KIF7: variants seen among roughly 807,000 people sequenced by gnomAD.
KIF7 encodes kinesin-like protein KIF7.
A neutral mutation model predicts 135.7 loss-of-function variants in KIF7; 104 were observed. The observed-to-expected ratio is 0.77, with a 90% confidence interval of 0.65 to 0.90. The LOEUF (loss-of-function observed/expected upper bound fraction) is 0.90. Ranked by LOEUF, KIF7 falls within the 40% of genes least tolerant of loss-of-function variation. The pLI is 0.00. For missense variants in KIF7, 2,005 were observed against 1,839.1 expected, an observed-to-expected ratio of 1.09 and a Z score of -1.65; for synonymous variants, 883 against 809.4, an observed-to-expected ratio of 1.09 and a Z score of -1.54.
At chr15:89,638,963 C>T (rs1320394721) in intron 11 of KIF7, among the ~76,000 whole-genome samples, 1 of 151,862 alleles carries the variant, frequency 6.6e-6, no homozygotes, top group African/African-American at 2.4e-5. Flanking sequence ...ATCAATGGAA[C>T]AGAACAGAGC....
At position 89,645,054 on chromosome 15, in the gene KIF7, A is replaced by T; in HGVS notation, c.2150T>A (p.Ile717Asn). ...GCCAATAAGCTCCTCCTTCATGCGG[A>T]TGTTGATAGCCAGCTCCCGGATCTT... The part of the protein sequence containing the change: ...QQKIRELAIN[I>N]RMKEELIGEL... The change falls in exon 10 of 19, where the codon ATC (isoleucine) becomes AAC (asparagine). Residue 717 changes from isoleucine (I) to asparagine (N), a missense_variant. Ile to Asn is a moderately radical substitution (Grantham distance 149, BLOSUM62 -3). Coordinates refer to ENST00000394412, the MANE Select transcript of KIF7 (RefSeq NM_198525.3). 1 of 1,607,100 alleles carries T rather than the reference A, an allele frequency of 6.2e-7. No homozygotes were observed. The highest frequency in any genetic ancestry group is 2.2e-5 in the East Asian group (1 of 44,856).
At chr15:89,623,201 G>C (rs1963454200), downstream of KIF7, among the ~76,000 whole-genome samples, 1 of 152,220 alleles carries the variant, frequency 6.6e-6, no homozygotes, top group African/African-American at 2.4e-5. Context: ...GCACATAGCA[G>C]GTGATCAGTA....
At chr15:89,625,104 A>G, downstream of KIF7, 1 of 1,613,930 alleles carries the variant, frequency 6.2e-7, no homozygotes, top group Non-Finnish European at 8.5e-7. Context: ...CTCTGGGAGA[A>G]GAGAGCTTCC....
In KIF7 at chr15:89,642,367, G is replaced by C; in HGVS notation, c.2230C>G (p.Arg744Gly). Residue 744 changes from arginine to glycine, a missense_variant, in exon 11 of 19, where the codon CGT becomes GGT. Physicochemically the swap from Arg to Gly is moderately radical, Grantham distance 125. Coordinates refer to ENST00000394412, the MANE Select transcript of KIF7 (RefSeq NM_198525.3). ...GCCTCCTGCTCCAGCTCCCGGATAC[G>C]CTGGCTGTGCTGGCGGTTCAGGGCC... is the stretch of plus-strand genomic sequence containing the variant. ...AQALNRQHSQ[R>G]IRELEQEAEQ... 6.2e-7 allele frequency: 1 copy of C among 1,607,700 alleles called. No homozygotes were observed. Among genetic ancestry groups the C allele is most frequent in the Non-Finnish European group, 8.5e-7 (1 of 1,177,952 alleles).
chr15:89,624,809 C>T (rs1380659515), downstream of KIF7: 12 of 1,614,068 alleles, frequency 7.4e-6, no homozygotes, highest in Non-Finnish European at 9.3e-6. Flanking sequence ...GAGAAGTCTT[C>T]TCTGTCTCAC....
chr15:89,618,066 CTTG>C (rs1963364092), exon 2 of KIF7: 9 of 1,336,718 alleles, frequency 6.7e-6, no homozygotes, highest in Admixed American at 1.7e-5. Context: ...TCTTTGTGAT[CTTG>C]TTAAGTGAGA....
At position 89,630,455 on chromosome 15, in the gene KIF7, CTCG is replaced by C; in HGVS notation, c.3147_3149del (p.Ile1049_Glu1050delinsMet). On this transcript the variant is annotated inframe_deletion, in exon 16 of 19. Coordinates refer to ENST00000394412, the MANE Select transcript of KIF7 (RefSeq NM_198525.3). ...TATACTCAATGGCAGCATCCAGGGC[CTCG>C]ATGGCCTCATCCAACTGGAACAGCG... 6.4e-7 allele frequency: 1 copy of C among 1,570,142 alleles called. No individual in the cohort carries two copies. Among genetic ancestry groups the C allele is most frequent in the Non-Finnish European group, 8.6e-7 (1 of 1,157,258 alleles).
At position 89,648,340 on chromosome 15, in the gene KIF7, G is replaced by C; in HGVS notation, c.1358C>G (p.Ala453Gly). The C allele has an allele frequency of 6.7e-7, 1 of 1,483,344 alleles. No individual in the cohort carries two copies. The highest frequency in any genetic ancestry group is 9.0e-7 in the Non-Finnish European group (1 of 1,116,448). 91.9% of individuals were successfully genotyped at this position (1,483,344 alleles called of 1,614,324 possible). Residue 453 changes from alanine to glycine, a missense_variant, in exon 5 of 19, where the codon GCC becomes GGC. By Grantham distance (60) the Ala-to-Gly change is moderately conservative. Transcript: ENST00000394412. ...WLCAVEGERSALSSASGPDSG... is the reference protein window; with the variant it reads ...WLCAVEGERSGLSSASGPDSG... ...ATCGGGCCCGGAGGCGGAGCTCAGG[G>C]CGCTGCGCTCGCCCTCGACGGCGCA... is the stretch of plus-strand genomic sequence containing the variant.
chr15:89,621,982 CTTTTTTTTT>C (rs34123859), intron 1 of KIF7, among the ~76,000 whole-genome samples: 3 of 87,746 alleles, frequency 3.4e-5, no homozygotes, highest in Middle Eastern at 9.1e-3. Flanking sequence ...CAAACTGACT[CTTTTTTTTT>C]TTTTTTTTTT....
rs534733003 is a variant in KIF7, at chr15:89,635,983, G to T, written c.2395-2100C>A. Among the ~76,000 whole-genome samples the T allele has an allele frequency of 7.0e-3, 1,066 of 152,102 alleles. 5 individuals are homozygous for T. Among genetic ancestry groups the T allele is most frequent in the African/African-American group, 0.025 (1,022 of 41,506 alleles). On this transcript the variant is annotated intron_variant, in intron 11 of 18. Transcript: ENST00000394412. The stretch of plus-strand genomic sequence containing the variant: ...CATCAGACTAACAGCGGATCTCTCG[G>T]CAGAAACTCTACAAGCCAGAAGAGA...
At chr15:89,624,006 G>A (rs769202857), downstream of KIF7, 14 of 1,613,470 alleles carry the variant, frequency 8.7e-6, no homozygotes, top group Admixed American at 5.0e-5. Context: ...CAACTTCATC[G>A]ACTGCCCAGC....
At position 89,633,217 on chromosome 15, in the gene KIF7, G is replaced by C. The variant is rs372660203; in HGVS notation, c.2642C>G (p.Thr881Arg). The C allele has an allele frequency of 1.9e-6, 3 of 1,595,690 alleles. No homozygotes were observed. In the Admixed American group the frequency reaches 5.2e-5, roughly 28 times the overall value. The change falls in exon 13 of 19, where the codon ACG (threonine) becomes AGG (arginine). Residue 881 changes from threonine (T) to arginine (R), a missense_variant. By Grantham distance (71) the Thr-to-Arg change is moderately conservative. Coordinates refer to ENST00000394412, the MANE Select transcript of KIF7 (RefSeq NM_198525.3). ...CCTCTGGAATGCCGCGATCTCTTCCGTCTTAATCTTCAGGATCTTCTGCTG... is the reference window on the plus strand; with the variant it reads ...CCTCTGGAATGCCGCGATCTCTTCCCTCTTAATCTTCAGGATCTTCTGCTG... ...EQQQKILKIK[T>R]EEIAAFQRKR...
At position 89,631,656 on chromosome 15, in the gene KIF7, CCTT is replaced by C. The variant is rs1232269093; in HGVS notation, c.2947_2949del (p.Lys983del). 6.4e-7 allele frequency: 1 copy of C among 1,561,912 alleles called. No homozygotes were observed. The highest frequency in any genetic ancestry group is 8.7e-7 in the Non-Finnish European group (1 of 1,151,934). On this transcript the variant is annotated inframe_deletion, in exon 15 of 19. Transcript: ENST00000394412. ...AGCTGCCCGCTCTTCTCGGACAGCT[CCTT>C]CTCCAGGTGCTCCAGCCGGCTGGAC...
chr15:89,662,519 AG>A, the KIF7 span, among the ~76,000 whole-genome samples: 2 of 152,186 alleles, frequency 1.3e-5, no homozygotes, highest in Non-Finnish European at 2.9e-5. Flanking sequence ...GGGAGGGAAA[AG>A]GGGTAAATAA....
In KIF7 at chr15:89,632,860, T is replaced by C. The variant is rs1963710702; in HGVS notation, c.2855A>G (p.Glu952Gly). Reference protein sequence around the residue: ...ILAKKEALMQEKTGLESKRLR... With the variant: ...ILAKKEALMQGKTGLESKRLR... The stretch of plus-strand genomic sequence containing the variant: ...GCGCTTGCTCTCCAGCCCCGTCTTC[T>C]CCTGCATCAGGGCCTCCTTCTTGGC... The change falls in exon 14 of 19, where the codon GAG becomes GGG. Residue 952 changes from glutamate to glycine, a missense_variant. Physicochemically the swap from Glu to Gly is moderately conservative, Grantham distance 98. Coordinates refer to ENST00000394412, the MANE Select transcript of KIF7 (RefSeq NM_198525.3). The C allele has an allele frequency of 1.2e-6, 2 of 1,609,668 alleles. No individual in the cohort carries two copies. Among genetic ancestry groups the C allele is most frequent in the South Asian group, 1.1e-5 (1 of 90,902 alleles).
intron 1 of KIF7, among the ~76,000 whole-genome samples, chr15:89,620,867 C>T (rs1225071720): frequency 4.0e-5 from 6 of 151,856 alleles, no homozygotes; most frequent in Non-Finnish European, 5.9e-5. Context: ...GGACTACAGG[C>T]GCCCGCCACC....
chr15:89,645,936 C>G lies in KIF7; in HGVS notation c.1879G>C (p.Glu627Gln). 1 of 1,613,844 alleles carries G rather than the reference C, an allele frequency of 6.2e-7. No homozygotes were observed. ...CGCCTGGGCGGCTCCTCCTCCTCCT[C>G]TTCCTCCTCTGAAGCAGCTGAAGAG... ...SGSSAASEEE[E>Q]EEEEPPRRTL... is the part of the protein sequence containing the mutation. Residue 627 changes from glutamate (E) to glutamine (Q), a missense_variant, in exon 8 of 19, where the codon GAG becomes CAG. Transcript: ENST00000394412.
chr15:89,630,093 G>A, intron 16 of KIF7, 194 bp downstream of exon 16: 5 of 626,154 alleles, frequency 8.0e-6, no homozygotes, highest in South Asian at 5.7e-5. Context: ...AGAAGTGGGG[G>A]GCGGGTAGGA....
At chr15:89,646,135 A>T (rs527600731) in intron 7 of KIF7, 109 bp from the exon 8 acceptor site, 1 of 1,407,168 alleles carries the variant, frequency 7.1e-7, no homozygotes, top group African/African-American at 1.4e-5. Context: ...TACCTTCGTG[A>T]TCCAGCTCAA....
Sources: allele counts gnomAD v4.1 joint callset (sites outside exome capture counted in the v4.1 genomes callset), GRCh38; gene constraint gnomAD v4.1.1; transcripts MANE v1.5; gene names NCBI Gene and HGNC (gene_info 2026-07-23, HGNC 2026-07-21).